The following LMLN variants were observed in gnomAD, a reference collection of about 807,000 sequenced individuals.
The protein encoded by LMLN is leishmanolysin like peptidase, also known as leishmanolysin-like peptidase.
In LMLN, 70 loss-of-function variants were observed where a neutral mutation model predicts 92.3. The ratio of observed to expected loss-of-function variants is 0.76; its 90% CI spans 0.63 to 0.92. The LOEUF (loss-of-function observed/expected upper bound fraction) is 0.92, where lower values mean the gene tolerates loss of function less well. Among genes scored for constraint, LMLN ranks in the 40% least tolerant of loss-of-function variants. The pLI, the probability that LMLN is intolerant of heterozygous loss-of-function variation, is 0.00. For missense variants in LMLN, 691 were observed against 814.6 expected (o/e 0.85, Z 1.85); for synonymous variants, 308 against 296.2 (o/e 1.04, Z -0.41).
intron 4 of LMLN, 24 bp from the exon 5 acceptor site, chr3:197,976,574 C>T: frequency 7.6e-7 from 1 of 1,316,484 alleles, no homozygotes; most frequent in South Asian, 1.4e-5. Flanking sequence ...TGTATTTAAA[C>T]TTTGATGTAC....
At chr3:198,014,197 C>G (rs1016911924) in intron 11 of LMLN, among the ~76,000 whole-genome samples, 1 of 149,296 alleles carries the variant, frequency 6.7e-6, no homozygotes, top group Non-Finnish European at 1.5e-5. Flanking sequence ...AGTCTGACTT[C>G]TCTGTACCCT....
chr3:198,018,197 CAG>C (rs1560152077), intron 11 of LMLN, among the ~76,000 whole-genome samples: 1 of 152,074 alleles, frequency 6.6e-6, no homozygotes, highest in Non-Finnish European at 1.5e-5. Flanking sequence ...AGACAAAAAA[CAG>C]AAATGACTTT....
intron 14 of LMLN, among the ~76,000 whole-genome samples, chr3:198,032,957 G>GT (rs775783052): frequency 6.6e-6 from 1 of 152,278 alleles, no homozygotes; most frequent in Non-Finnish European, 1.5e-5. Flanking sequence ...GGTACCAGGT[G>GT]TGGCTGTGGC....
rs138673210 is a variant in LMLN, at chr3:197,989,626, A to G, written c.930-933A>G. ...TCGTCATCTTAGCCAAGTGCTAGCT[A>G]TGTGAACTTGAACAAGTTACTTCAT... On this transcript the variant is annotated intron_variant, in intron 8 of 15. Transcript: ENST00000330198. 2.4e-3 allele frequency among the ~76,000 whole-genome samples: 364 copies of G among 152,332 alleles called. 1 individual carries two copies. Among genetic ancestry groups the G allele is most frequent in the Middle Eastern group, 6.8e-3 (2 of 294 alleles).
chr3:198,015,737 T>C (rs1391912902), intron 11 of LMLN, among the ~76,000 whole-genome samples: 1 of 152,202 alleles, frequency 6.6e-6, no homozygotes, highest in African/African-American at 2.4e-5. Context: ...CAGAGTCCCC[T>C]AACTAGTCTG....
chr3:198,009,239 C>T (rs1292174201), intron 11 of LMLN, among the ~76,000 whole-genome samples: 2 of 152,202 alleles, frequency 1.3e-5, no homozygotes, highest in Non-Finnish European at 2.9e-5. Flanking sequence ...ATATTCAAAT[C>T]TGCAGTGATA....
intron 1 of LMLN, among the ~76,000 whole-genome samples, chr3:197,971,944 CTTTTTTTTTTTT>C (rs756710031): frequency 1.2e-5 from 1 of 81,220 alleles, no homozygotes; most frequent in African/African-American, 4.7e-5. Flanking sequence ...AGTCTCTGTT[CTTTTTTTTTTTT>C]TTTTTTTTTT....
At chr3:197,997,577 C>T (rs183297925) in intron 10 of LMLN, among the ~76,000 whole-genome samples, 10 of 152,248 alleles carry the variant, frequency 6.6e-5, no homozygotes, top group Non-Finnish European at 1.3e-4. Flanking sequence ...CACGCAGAGC[C>T]GCTGGCTACA....
intron 5 of LMLN, among the ~76,000 whole-genome samples, chr3:197,979,156 A>T (rs1581138677): frequency 6.6e-6 from 1 of 152,358 alleles, no homozygotes. Context: ...TCCCTAAAGT[A>T]ATTGATTTTA....
exon 10 of LMLN, chr3:197,996,271 A>G: frequency 2.6e-6 from 4 of 1,554,998 alleles, no homozygotes; most frequent in East Asian, 2.3e-5. Context: ...TTGGGAAAAA[A>G]GGTTATTAGA....
intron 14 of LMLN, among the ~76,000 whole-genome samples, chr3:198,033,868 T>C (rs1723142422): frequency 6.6e-6 from 1 of 152,242 alleles, no homozygotes; most frequent in Non-Finnish European, 1.5e-5. Flanking sequence ...TGATGCTTAC[T>C]TGATGTGGAT....
chr3:198,017,249 C>T (rs1722664790), intron 11 of LMLN, among the ~76,000 whole-genome samples: 1 of 152,214 alleles, frequency 6.6e-6, no homozygotes, highest in Non-Finnish European at 1.5e-5. Context: ...GAATCATTTA[C>T]AGGATAGAAG....
intron 1 of LMLN, 27 bp downstream of exon 1, chr3:197,960,467 C>A: frequency 6.2e-7 from 1 of 1,602,492 alleles, no homozygotes; most frequent in South Asian, 1.1e-5. Context: ...GGGAGCGGGC[C>A]CTCTCAGGGT....
chr3:197,965,075 T>TA (rs1395540392), intron 1 of LMLN, among the ~76,000 whole-genome samples: 3 of 151,690 alleles, frequency 2.0e-5, no homozygotes, highest in African/African-American at 7.3e-5. Flanking sequence ...AGTGCAGTGA[T>TA]ATGATCATAG....
intron 14 of LMLN, among the ~76,000 whole-genome samples, chr3:198,028,001 CTT>C (rs1194960098): frequency 3.3e-5 from 5 of 151,968 alleles, no homozygotes; most frequent in Admixed American, 2.6e-4. Flanking sequence ...TATTAATAGA[CTT>C]TATTTTTTAG....
rs773662626 is a variant in LMLN, at chr3:198,019,389, G to A, written c.1365+4G>A. On this transcript the variant is annotated splice_donor_region_variant and intron_variant, in intron 12 of 15. Coordinates refer to ENST00000330198, the Ensembl canonical transcript of LMLN. The surrounding 1 kb of genome is among the most constrained non-coding windows in gnomAD (Gnocchi z 5.5). ...GCCTTTACCACAGGAATACCAGGTA[G>A]AACAGGGCTGGGGCACAGTTTCAGG... 1.2e-6 allele frequency: 2 copies of A among 1,612,114 alleles called. No individual in the cohort carries two copies. Among genetic ancestry groups the A allele is most frequent in the East Asian group, 2.2e-5 (1 of 44,824 alleles).
intron 14 of LMLN, among the ~76,000 whole-genome samples, chr3:198,026,502 C>CAAAATTTAGTAA (rs1422254005): frequency 1.5e-4 from 22 of 150,816 alleles, no homozygotes; most frequent in African/African-American, 5.4e-4. Flanking sequence ...ATTTTTAGTA[C>CAAAATTTAGTAA]AAAAATTGAC....
exon 8 of LMLN, chr3:197,985,819 A>C (rs762738280): frequency 6.2e-7 from 1 of 1,613,582 alleles, no homozygotes; most frequent in South Asian, 1.1e-5. Flanking sequence ...GGCTGTTTGC[A>C]TTCTACCATG....
chr3:197,990,481 T>C, intron 8 of LMLN, 78 bp from the exon 9 acceptor site: 1 of 631,788 alleles, frequency 1.6e-6, no homozygotes, highest in Non-Finnish European at 2.7e-6. Context: ...TAAAGACTTT[T>C]TACAGTAAAT....
Sources: allele counts gnomAD v4.1 joint callset (sites outside exome capture counted in the v4.1 genomes callset), GRCh38; gene constraint gnomAD v4.1.1; non-coding constraint Gnocchi (gnomAD v3.1); transcripts MANE v1.5; gene names NCBI Gene and HGNC (gene_info 2026-07-23, HGNC 2026-07-21).